Variants in CCDC125 observed in about 807,000 individuals in gnomAD.
CCDC125 encodes the protein coiled-coil domain-containing protein 125.
Under a neutral mutation model 57.4 loss-of-function variants are expected in CCDC125, and 43 were observed. The ratio of observed to expected loss-of-function variants is 0.75; its 90% CI spans 0.59 to 0.97. CCDC125 has a LOEUF of 0.97. CCDC125 is among the 50% of genes least tolerant of loss of function. The pLI is 0.00. For synonymous variants in CCDC125, 187 were observed against 195.2 expected, an observed-to-expected ratio of 0.96 and a Z score of 0.35; for missense variants, 563 against 595.7, an observed-to-expected ratio of 0.95 and a Z score of 0.57.
chr5:69,313,838 A>G (rs1758558534), intron 3 of CCDC125, 147 bp downstream of exon 3: 1 of 847,166 alleles, frequency 1.2e-6, no homozygotes, highest in Admixed American at 1.7e-5. Flanking sequence ...GAACACCTTG[A>G]TGACACCATC....
At chr5:69,308,261 T>G in intron 4 of CCDC125, 1 of 560,116 alleles carries the variant, frequency 1.8e-6, no homozygotes, top group Non-Finnish European at 3.2e-6. Flanking sequence ...ACAAAGAAAG[T>G]GTTCAGAACA....
intron 10 of CCDC125, among the ~76,000 whole-genome samples, chr5:69,288,624 C>T (rs748239058): frequency 9.2e-5 from 14 of 152,152 alleles, no homozygotes; most frequent in Admixed American, 2.0e-4. Context: ...AAGTGTTTCC[C>T]GGAGTTCTGT....
chr5:69,322,246 A>G (rs1357681181), intron 1 of CCDC125, among the ~76,000 whole-genome samples: 1 of 151,824 alleles, frequency 6.6e-6, no homozygotes, highest in African/African-American at 2.4e-5. Flanking sequence ...CAGCCTCTGG[A>G]GTAGCTCGGA....
intron 6 of CCDC125, 109 bp downstream of exon 6, chr5:69,306,708 A>G: frequency 8.2e-7 from 1 of 1,214,598 alleles, no homozygotes; most frequent in Non-Finnish European, 1.1e-6. Context: ...ATAAGCAATA[A>G]AAATTTTGTA....
downstream of CCDC125, chr5:69,276,552 A>G: frequency 6.2e-7 from 1 of 1,612,746 alleles, no homozygotes. Context: ...GGCACTGAAA[A>G]TGAAGTATTT....
At chr5:69,307,010 A>G in intron 5 of CCDC125, 108 bp from the exon 6 acceptor site, 1 of 1,220,274 alleles carries the variant, frequency 8.2e-7, no homozygotes. Flanking sequence ...GAAATGGTTT[A>G]AAGAGAAAAA....
rs556426737 is a variant in CCDC125 at position 69,284,118 on chromosome 5, T to A, written c.1231-1084A>T. Among the ~76,000 whole-genome samples, 572 of 149,122 alleles carry A rather than the reference T, an allele frequency of 3.8e-3. 13 individuals are homozygous for A. Among genetic ancestry groups the A allele is most frequent in the South Asian group, 0.032 (151 of 4,690 alleles). Reference sequence around the variant, plus strand: ...CGATTATTTTTTAAAAATAATTTTTTAAAAAAAAAAACAGAAGACAGCATT... The same window carrying A: ...CGATTATTTTTTAAAAATAATTTTTAAAAAAAAAAAACAGAAGACAGCATT... On this transcript the variant is annotated intron_variant, in intron 11 of 11. Coordinates refer to ENST00000396496, the MANE Select transcript of CCDC125 (RefSeq NM_176816.5).
chr5:69,290,461 C>T (rs917849678), intron 10 of CCDC125, among the ~76,000 whole-genome samples: 2 of 151,018 alleles, frequency 1.3e-5, no homozygotes, highest in South Asian at 2.1e-4. Context: ...TGCCATCACA[C>T]CCAGCTAATT....
chr5:69,303,932 G>T lies in CCDC125; in HGVS notation c.618-3C>A. The T allele has an allele frequency of 6.4e-7, 1 of 1,552,756 alleles. No individual in the cohort carries two copies. The highest frequency in any genetic ancestry group is 2.0e-5 in the Admixed American group (1 of 48,948). On this transcript the variant is annotated splice_region_variant and splice_polypyrimidine_tract_variant and intron_variant, in intron 6 of 11. Coordinates refer to ENST00000396496, the MANE Select transcript of CCDC125 (RefSeq NM_176816.5). ...GGACTGCATTTTCACAGTTTAGCCT[G>T]GAAAAAAGTGGCTTTCAAATAACTA... is the stretch of plus-strand genomic sequence containing the variant.
chr5:69,293,087 C>T (rs1012490116), intron 9 of CCDC125, among the ~76,000 whole-genome samples: 2 of 151,666 alleles, frequency 1.3e-5, no homozygotes, highest in Non-Finnish European at 1.5e-5. Context: ...GTAATCCACC[C>T]GCCTCGGCCT....
intron 1 of CCDC125, among the ~76,000 whole-genome samples, chr5:69,329,934 G>A (rs1476674296): frequency 6.6e-6 from 1 of 152,204 alleles, no homozygotes; most frequent in African/African-American, 2.4e-5. Context: ...CTTGGGAAAG[G>A]CTGTAGGATG....
intron 11 of CCDC125, among the ~76,000 whole-genome samples, chr5:69,284,941 C>T (rs189387943): frequency 6.6e-5 from 10 of 152,000 alleles, no homozygotes; most frequent in Admixed American, 2.6e-4. Context: ...AAAACGCACA[C>T]ACAAAATTAG....
At position 69,292,270 on chromosome 5, in the gene CCDC125, G is replaced by A; in HGVS notation, c.1017C>T (p.Asp339=). Residue 339 remains aspartate, a synonymous_variant, in exon 10 of 12, where the codon GAC becomes GAT. Coordinates refer to ENST00000396496, the MANE Select transcript of CCDC125 (RefSeq NM_176816.5). ...CCATTTGTGTCAATTGTAGTGCCTGGTCATTTTTTCTCATTAATTGTTGCT... is the reference window on the plus strand; with the variant it reads ...CCATTTGTGTCAATTGTAGTGCCTGATCATTTTTTCTCATTAATTGTTGCT... ...AFEQQLMRKN[D]QALQLTQMDK... 1 of 1,613,446 alleles carries A rather than the reference G, an allele frequency of 6.2e-7. No homozygotes were observed. The highest frequency in any genetic ancestry group is 8.5e-7 in the Non-Finnish European group (1 of 1,179,668).
chr5:69,313,731 T>C (rs1758537857), intron 3 of CCDC125: 2 of 775,632 alleles, frequency 2.6e-6, no homozygotes, highest in Non-Finnish European at 4.8e-6. Flanking sequence ...CCCTTCAGGA[T>C]GATGTTCTTC....
At chr5:69,286,271 A>C in intron 10 of CCDC125, among the ~76,000 whole-genome samples, 1 of 129,860 alleles carries the variant, frequency 7.7e-6, no homozygotes, top group East Asian at 2.2e-4. Context: ...TTGTTCTGTC[A>C]CCCAGGCTGG....
At chr5:69,295,877 C>A (rs1360369292) in intron 8 of CCDC125, among the ~76,000 whole-genome samples, 1 of 147,622 alleles carries the variant, frequency 6.8e-6, no homozygotes, top group East Asian at 2.0e-4. Context: ...CACTTTAGAA[C>A]ACTGACTTCT....
intron 6 of CCDC125, among the ~76,000 whole-genome samples, chr5:69,305,064 T>C (rs1580110984): frequency 6.6e-6 from 1 of 150,526 alleles, no homozygotes. Context: ...AAGTATTTCA[T>C]GGAAAAAAAA....
At chr5:69,276,460 C>T (rs1752149673), downstream of CCDC125, 4 of 1,229,258 alleles carry the variant, frequency 3.3e-6, no homozygotes, top group South Asian at 5.0e-5. Context: ...TTTTAATGCT[C>T]CCTATAATCT....
At chr5:69,312,885 T>A (rs1487301875) in intron 3 of CCDC125, among the ~76,000 whole-genome samples, 1 of 152,156 alleles carries the variant, frequency 6.6e-6, no homozygotes, top group African/African-American at 2.4e-5. Context: ...GAAAGTCTCT[T>A]ACTGGTCCTG....
Sources: allele counts gnomAD v4.1 joint callset (sites outside exome capture counted in the v4.1 genomes callset), GRCh38; gene constraint gnomAD v4.1.1; transcripts MANE v1.5; gene names NCBI Gene and HGNC (gene_info 2026-07-23, HGNC 2026-07-21).